MAST4: variants seen among roughly 807,000 people sequenced by gnomAD.
MAST4 encodes the protein microtubule-associated serine/threonine-protein kinase 4.
A neutral mutation model predicts 162.7 loss-of-function variants in MAST4; 89 were observed. The observed-to-expected ratio is 0.55, with a 90% confidence interval of 0.46 to 0.65. The LOEUF (loss-of-function observed/expected upper bound fraction) is 0.65. Among genes scored for constraint, MAST4 ranks in the 30% least tolerant of loss-of-function variants. The probability of loss-of-function intolerance (pLI) is 0.00; values close to 1 mark genes in which losing one functional copy is unlikely to be tolerated. For synonymous variants in MAST4, 1,479 were observed against 1,361.1 expected, an observed-to-expected ratio of 1.09 and a Z score of -1.91; for missense variants, 3,153 against 3,374.0, an observed-to-expected ratio of 0.93 and a Z score of 1.62.
At chr5:66,700,632 C>T (rs1193547462) in intron 1 of MAST4, among the ~76,000 whole-genome samples, 2 of 151,574 alleles carry the variant, frequency 1.3e-5, no homozygotes, top group African/African-American at 2.4e-5. Context: ...TGCAGTGAGC[C>T]GAGATCATGC....
At chr5:67,075,162 T>G (rs929596947) in intron 5 of MAST4, among the ~76,000 whole-genome samples, 6 of 45,704 alleles carry the variant, frequency 1.3e-4, no homozygotes, top group African/African-American at 1.3e-3. Context: ...TTGGAATGAG[T>G]TTTTTTTTTT....
intron 4 of MAST4, among the ~76,000 whole-genome samples, chr5:66,984,756 A>AT (rs1360131914): frequency 7.7e-6 from 1 of 129,972 alleles, no homozygotes; most frequent in African/African-American, 3.0e-5. Context: ...GAGTTGGAGG[A>AT]TGGGGGCGGG....
chr5:66,976,043 A>G (rs552558164), intron 4 of MAST4, among the ~76,000 whole-genome samples: 2 of 152,264 alleles, frequency 1.3e-5, no homozygotes, highest in Admixed American at 1.3e-4. Flanking sequence ...GCCTCTGAGC[A>G]TTGTATCCAT....
chr5:66,710,196 C>T (rs1750406836), intron 1 of MAST4, among the ~76,000 whole-genome samples: 1 of 152,196 alleles, frequency 6.6e-6, no homozygotes, highest in Non-Finnish European at 1.5e-5. Flanking sequence ...GATGTGACTG[C>T]ATTGAGATTC....
chr5:67,085,254 G>A (rs993338167), intron 5 of MAST4, among the ~76,000 whole-genome samples: 19 of 151,908 alleles, frequency 1.3e-4, no homozygotes, highest in Admixed American at 2.6e-4. Flanking sequence ...AGCAAATCCC[G>A]TTGGCTCCGC....
Position 67,144,697 on chromosome 5 carries a change from A to C in MAST4, c.2759A>C (p.Gln920Pro). 2.5e-6 allele frequency: 4 copies of C among 1,613,976 alleles called. No individual in the cohort carries two copies. The Admixed American group carries it at 6.7e-5, about 27-fold the overall frequency. Reference sequence around the variant, plus strand: ...TTCAGCAGTATAGATCGAATCACTCAGAATTCAGCAGAAGAGAAGGAAGAC... The same window carrying C: ...TTCAGCAGTATAGATCGAATCACTCCGAATTCAGCAGAAGAGAAGGAAGAC... ...KVFSSIDRITQNSAEEKEDSV... is the reference protein window; with the variant it reads ...KVFSSIDRITPNSAEEKEDSV... The change falls in exon 22 of 29, where the codon CAG (glutamine) becomes CCG (proline). Residue 920 changes from glutamine (Q) to proline (P), a missense_variant. Transcript: ENST00000403625.
intron 1 of MAST4, among the ~76,000 whole-genome samples, chr5:66,733,711 G>T (rs1334083157): frequency 6.6e-6 from 1 of 152,008 alleles, no homozygotes; most frequent in Non-Finnish European, 1.5e-5. Flanking sequence ...CACCCACCTC[G>T]GCCTCCCAAA....
chr5:66,695,061 G>T (rs770517551), intron 1 of MAST4, among the ~76,000 whole-genome samples: 8 of 152,000 alleles, frequency 5.3e-5, no homozygotes, highest in Non-Finnish European at 1.0e-4. Flanking sequence ...TGTTGTAATT[G>T]CTTTTGACGC....
At chr5:66,967,608 T>G (rs922446065) in intron 4 of MAST4, among the ~76,000 whole-genome samples, 2 of 151,376 alleles carry the variant, frequency 1.3e-5, no homozygotes, top group Non-Finnish European at 2.9e-5. Flanking sequence ...AGATGCAGAC[T>G]GTATTCCTGT....
chr5:66,672,651 C>T lies in MAST4; in HGVS notation c.363+75633C>T, dbSNP rs78244706. Among the ~76,000 whole-genome samples the T allele has an allele frequency of 4.6e-3, 698 of 152,168 alleles. 6 individuals are homozygous for T. The highest frequency in any genetic ancestry group is 0.016 in the African/African-American group (653 of 41,502). On this transcript the variant is annotated intron_variant, in intron 1 of 28. Coordinates refer to ENST00000403625, the MANE Select transcript of MAST4 (RefSeq NM_001164664.2). ...GCATACAGTTCTTGTCTCTTTCTGC[C>T]GCCTGTGATGCATCCACTGCAGTTT...
intron 3 of MAST4, among the ~76,000 whole-genome samples, chr5:66,863,505 T>A (rs1368126307): frequency 6.6e-6 from 1 of 152,148 alleles, no homozygotes; most frequent in African/African-American, 2.4e-5. Context: ...GTCTCCCTCC[T>A]CCTTGTTTCC....
chr5:66,775,959 G>A (rs1754582097), intron 2 of MAST4, among the ~76,000 whole-genome samples: 1 of 152,282 alleles, frequency 6.6e-6, no homozygotes, highest in East Asian at 1.9e-4. Flanking sequence ...CATAGATATT[G>A]TTGAGAAAGA....
At chr5:66,901,439 A>G (rs755666498) in intron 4 of MAST4, among the ~76,000 whole-genome samples, 11 of 152,026 alleles carry the variant, frequency 7.2e-5, no homozygotes, top group South Asian at 2.1e-4. Context: ...AATTCTGTTA[A>G]TGTTAGCTGA....
chr5:67,017,748 G>A (rs6879464), intron 4 of MAST4, among the ~76,000 whole-genome samples: 4,232 of 151,568 alleles, frequency 0.028, 199 homozygotes, highest in African/African-American at 0.095. Context: ...ACAGGTGTGC[G>A]CCACTATGCC....
At chr5:66,659,474 G>A (rs1371901582) in intron 1 of MAST4, among the ~76,000 whole-genome samples, 1 of 152,124 alleles carries the variant, frequency 6.6e-6, no homozygotes, top group Non-Finnish European at 1.5e-5. Context: ...TCTAAAAGCT[G>A]GTCTTAATAT....
chr5:66,922,322 C>G (rs1764593952), intron 4 of MAST4, among the ~76,000 whole-genome samples: 1 of 152,208 alleles, frequency 6.6e-6, no homozygotes, highest in African/African-American at 2.4e-5. Context: ...GGTCAGGAGT[C>G]AGTGACCCTT....
rs537200572 is a variant in MAST4, at chr5:66,816,397, T to A, written c.642+27603T>A. ...CTCTGTTTCTAATCAATCACCTCTC[T>A]CATCCCCTCACCTTTCCTCAAGTTT... On this transcript the variant is annotated intron_variant, in intron 3 of 28. Coordinates refer to ENST00000403625, the MANE Select transcript of MAST4 (RefSeq NM_001164664.2). Among the ~76,000 whole-genome samples the A allele has an allele frequency of 2.0e-5, 3 of 152,300 alleles. No individual in the cohort carries two copies. In the South Asian group the frequency reaches 6.2e-4, roughly 32 times the overall value.
chr5:66,641,905 C>T (rs1188985018), intron 1 of MAST4, among the ~76,000 whole-genome samples: 1 of 152,110 alleles, frequency 6.6e-6, no homozygotes, highest in African/African-American at 2.4e-5. Flanking sequence ...GAAAAAATAA[C>T]CAATCTGCCT....
intron 1 of MAST4, among the ~76,000 whole-genome samples, chr5:66,669,084 G>T (rs1220355883): frequency 6.6e-6 from 1 of 152,214 alleles, no homozygotes; most frequent in East Asian, 1.9e-4. Context: ...TCAGTCTAGT[G>T]CCTGTATAAG....
Sources: gnomAD v4.1 joint callset for allele counts (sites outside exome capture counted in the v4.1 genomes callset) on GRCh38, gnomAD v4.1.1 for gene constraint, MANE v1.5 for transcripts, NCBI Gene and HGNC (gene_info 2026-07-23, HGNC 2026-07-21) for gene names.